The following PLCH2 variants were observed in gnomAD, a reference collection of about 807,000 sequenced individuals.
PLCH2 encodes the protein phospholipase C eta 2.
Under a neutral mutation model 134.7 loss-of-function variants are expected in PLCH2, and 98 were observed. The ratio of observed to expected loss-of-function variants is 0.73; its 90% CI spans 0.62 to 0.86. PLCH2 has a LOEUF of 0.86. PLCH2 is among the 40% of genes least tolerant of loss of function. The probability of loss-of-function intolerance (pLI) is 0.00; values close to 1 mark genes in which losing one functional copy is unlikely to be tolerated. For missense variants in PLCH2, 1,994 were observed against 1,986.6 expected, an observed-to-expected ratio of 1.00 and a Z score of -0.07; for synonymous variants, 974 against 827.5, an observed-to-expected ratio of 1.18 and a Z score of -3.04.
chr1:2,476,080 C>T (rs1641600123), upstream of PLCH2, among the ~76,000 whole-genome samples: 4 of 152,348 alleles, frequency 2.6e-5, no homozygotes, highest in South Asian at 8.3e-4. Context: ...CGGTTGCGTT[C>T]TCTGGGTCCC....
chr1:2,502,765 C>T, intron 21 of PLCH2: 1 of 716,748 alleles, frequency 1.4e-6, no homozygotes, highest in South Asian at 1.5e-5. Context: ...ACTCCAGCAG[C>T]CCAGACAGCC....
intron 2 of PLCH2, among the ~76,000 whole-genome samples, chr1:2,459,488 C>CCTGGTGGTCCTCCTTG: frequency 1.2e-4 from 1 of 8,122 alleles, no homozygotes; most frequent in Non-Finnish European, 3.0e-4. Flanking sequence ...GGTCCTCCTT[C>CCTGGTGGTCCTCCTTG]CTGGTGGTCC....
intron 2 of PLCH2, among the ~76,000 whole-genome samples, chr1:2,478,881 T>C (rs1641791723): frequency 6.6e-6 from 1 of 151,882 alleles, no homozygotes; most frequent in Non-Finnish European, 1.5e-5. Context: ...TGCTGAGTGC[T>C]GGGCTGGAAG....
chr1:2,469,455 T>A (rs1394124066), intron 1 of PLCH2, among the ~76,000 whole-genome samples: 1 of 152,222 alleles, frequency 6.6e-6, no homozygotes, highest in Non-Finnish European at 1.5e-5. Context: ...GCCAGTGTCC[T>A]GGGTCCAGCC....
chr1:2,480,250 C>T lies in PLCH2; in HGVS notation c.583C>T (p.Leu195=), dbSNP rs780103212. ...TGGCAGCCTGAGCATTGGCGAGGTC[C>T]TGCAGCTGCTGCACAAGCTCAACGT... ...GDGSLSIGEV[L]QLLHKLNVNL... is the part of the protein sequence containing the mutation. Residue 195 remains leucine, a synonymous_variant, in exon 4 of 22, where the codon CTG becomes TTG. Coordinates refer to ENST00000378486, the MANE Select transcript of PLCH2 (RefSeq NM_014638.4). 15 of 1,612,666 alleles carry T rather than the reference C, an allele frequency of 9.3e-6. No individual in the cohort carries two copies. The highest frequency in any genetic ancestry group is 1.7e-5 in the Admixed American group (1 of 60,006).
Position 2,479,936 on chromosome 1 carries a change from C to A in PLCH2, c.474C>A (p.Ser158Arg). ...TGCGCTACCTCATGGCCGGCATCAG[C>A]GACGAGGACAGCCTGGCTCGCCGCC... ...TGLRYLMAGI[S>R]DEDSLARRQR... is the part of the protein sequence containing the mutation. Residue 158 changes from serine (S) to arginine (R), a missense_variant, in exon 3 of 22, where the codon AGC (serine) becomes AGA (arginine). This residue lies in a region of PLCH2 where 1,094 missense variants were observed against 1,234.3 expected (regional missense o/e 0.89). Coordinates refer to ENST00000378486, the MANE Select transcript of PLCH2 (RefSeq NM_014638.4). 1 of 1,609,174 alleles carries A rather than the reference C, an allele frequency of 6.2e-7. No individual in the cohort carries two copies. The highest frequency in any genetic ancestry group is 8.5e-7 in the Non-Finnish European group (1 of 1,177,674).
chr1:2,488,113 C>T (rs956624526), intron 8 of PLCH2, among the ~76,000 whole-genome samples: 4 of 152,212 alleles, frequency 2.6e-5, no homozygotes, highest in Admixed American at 1.3e-4. Context: ...ACCGCCTCCC[C>T]GTGTGGTTTG....
intron 13 of PLCH2, among the ~76,000 whole-genome samples, 190 bp from the exon 14 acceptor site, chr1:2,496,417 C>T (rs1256790972): frequency 2.0e-5 from 3 of 152,336 alleles, no homozygotes; most frequent in Middle Eastern, 3.4e-3. Flanking sequence ...TGGTAGCTCC[C>T]AGCCAGCCCA....
Position 2,495,499 on chromosome 1 carries a change from C to T in PLCH2, c.1764C>T (p.Ser588=), listed in dbSNP as rs1345119204. ...GSFSRRKKKG[S]KLKKAASVEE... ...TGCCCCCCGCACAGAAGAAGGGCAG[C>T]AAGCTGAAGAAGGCGGCCAGCGTGG... The change falls in exon 13 of 22, where the codon AGC becomes AGT. Residue 588 remains serine (S), a synonymous_variant. Transcript: ENST00000378486. 1 of 1,551,718 alleles carries T rather than the reference C, an allele frequency of 6.4e-7. No homozygotes were observed. Among genetic ancestry groups the T allele is most frequent in the Non-Finnish European group, 8.7e-7 (1 of 1,147,060 alleles).
intron 21 of PLCH2, chr1:2,503,424 C>G: frequency 1.7e-6 from 1 of 595,556 alleles, no homozygotes; most frequent in Non-Finnish European, 3.0e-6. Context: ...CGCCTGGAGC[C>G]TGCTGAGTGC....
rs76894073 is a variant in PLCH2, at chr1:2,439,866, C to T, written c.115+9237C>T. On this transcript the variant is annotated intron_variant, in intron 2 of 3. Coordinates refer to the PLCH2 transcript ENST00000609981. The surrounding 1 kb of genome is among the most constrained non-coding windows in gnomAD (Gnocchi z 4.7). ...GTTCGAGGGCAGCGGGCACGCGGCT[C>T]CCTGCCTGCAGGGACCTCATGATCT... is the stretch of plus-strand genomic sequence containing the variant. Among the ~76,000 whole-genome samples the T allele has an allele frequency of 0.023, 3,459 of 152,130 alleles. 128 individuals carry two copies. The highest frequency in any genetic ancestry group is 0.079 in the African/African-American group (3,271 of 41,488).
Position 2,494,837 on chromosome 1 carries a change from G to C in PLCH2, c.1660-19G>C. On this transcript the variant is annotated intron_variant, in intron 11 of 21. Coordinates refer to ENST00000378486, the MANE Select transcript of PLCH2 (RefSeq NM_014638.4). ...TCAAGGCTAGACTCACCTTGTCCCTGTCTCTCCCCTGGACTCAGAGCAAGG... is the reference window on the plus strand; with the variant it reads ...TCAAGGCTAGACTCACCTTGTCCCTCTCTCTCCCCTGGACTCAGAGCAAGG... 6.4e-7 allele frequency: 1 copy of C among 1,572,354 alleles called. No homozygotes were observed. Among genetic ancestry groups the C allele is most frequent in the Non-Finnish European group, 8.7e-7 (1 of 1,152,312 alleles).
At chr1:2,503,417 C>G in intron 21 of PLCH2, 1 of 593,886 alleles carries the variant, frequency 1.7e-6, no homozygotes, top group Non-Finnish European at 3.0e-6. Context: ...CCTGGGACGC[C>G]TGGAGCCTGC....
chr1:2,441,226 C>G (rs911652104), intron 2 of PLCH2, among the ~76,000 whole-genome samples: 4 of 152,178 alleles, frequency 2.6e-5, no homozygotes, highest in Non-Finnish European at 4.4e-5. Flanking sequence ...CTGGCAGCCC[C>G]TGCCGGCCCC....
Position 2,504,931 on chromosome 1 carries a change from G to A in PLCH2, c.3969G>A (p.Pro1323=), listed in dbSNP as rs752159620. The A allele has an allele frequency of 1.9e-5, 30 of 1,568,808 alleles. No individual in the cohort carries two copies. The African/African-American group carries it at 2.6e-4, about 13-fold the overall frequency. The change falls in exon 22 of 22, where the codon CCG becomes CCA. Residue 1323 remains proline, a synonymous_variant. Transcript: ENST00000378486. The part of the protein sequence containing the change: ...GDITSPTSLG[P]AGEGVAGGPG... The stretch of plus-strand genomic sequence containing the variant: ...TCACGTCACCCACCAGCCTGGGCCC[G>A]GCTGGGGAGGGGGTGGCAGGGGGCC...
intron 2 of PLCH2, among the ~76,000 whole-genome samples, chr1:2,445,777 C>T (rs977198303): frequency 2.6e-5 from 4 of 152,240 alleles, no homozygotes; most frequent in African/African-American, 4.8e-5. Context: ...CTGCACGGCA[C>T]ACACGGATTG....
In PLCH2 at chr1:2,498,188, A is replaced by T; in HGVS notation, c.2225-335A>T. 3.0e-6 allele frequency: 1 copy of T among 335,866 alleles called. No homozygotes were observed. Among genetic ancestry groups the T allele is most frequent in the Non-Finnish European group, 5.5e-6 (1 of 181,324 alleles). The allele number at this position is 335,866 out of a possible 1,614,324, so 20.8% of individuals were successfully genotyped here. A position where few individuals can be genotyped will look rare whatever the true frequency, so the allele number is the denominator to read the frequency against. On this transcript the variant is annotated intron_variant, in intron 16 of 21. Transcript: ENST00000378486. The surrounding 1 kb of genome is among the most constrained non-coding windows in gnomAD (Gnocchi z 5.4). Reference sequence around the variant, plus strand: ...TTGGCTTGCCCTCCTCAGAGTTCTCAGCCTGAGTGGGCCCTGGGGACACTG... The same window carrying T: ...TTGGCTTGCCCTCCTCAGAGTTCTCTGCCTGAGTGGGCCCTGGGGACACTG...
chr1:2,449,407 G>A (rs527433343), intron 2 of PLCH2, among the ~76,000 whole-genome samples: 1 of 152,186 alleles, frequency 6.6e-6, no homozygotes, highest in Non-Finnish European at 1.5e-5. Context: ...CAGGAGAATC[G>A]CTTGAACCTG....
At chr1:2,418,922 C>T in the PLCH2 span, among the ~76,000 whole-genome samples, 1 of 152,210 alleles carries the variant, frequency 6.6e-6, no homozygotes, top group Admixed American at 6.5e-5. Flanking sequence ...CAAAACCTGG[C>T]TTATTGGGGT....
Sources: allele counts gnomAD v4.1 joint callset (sites outside exome capture counted in the v4.1 genomes callset), GRCh38; gene constraint gnomAD v4.1.1; regional missense constraint gnomAD v4.1.1; non-coding constraint Gnocchi (gnomAD v3.1); transcripts MANE v1.5; gene names NCBI Gene and HGNC (gene_info 2026-07-23, HGNC 2026-07-21).